Variants in ENPP2 observed in about 807,000 individuals in gnomAD.
ENPP2 encodes autotaxin.
In ENPP2, 51 loss-of-function variants were observed where a neutral mutation model predicts 120.2. The ratio of observed to expected loss-of-function variants is 0.42; its 90% CI spans 0.34 to 0.54. ENPP2 has a LOEUF of 0.54. Ranked by LOEUF, ENPP2 falls within the 20% of genes least tolerant of loss-of-function variation. ENPP2 has a pLI of 0.04. For synonymous variants in ENPP2, 365 were observed against 366.4 expected (o/e 1.00, Z 0.04); for missense variants, 920 against 1,066.5 (o/e 0.86, Z 1.91).
chr8:119,670,934 G>A (rs1818224364), intron 1 of ENPP2, among the ~76,000 whole-genome samples: 2 of 151,908 alleles, frequency 1.3e-5, no homozygotes, highest in African/African-American at 4.8e-5. Context: ...AATAAAAATG[G>A]GAATCTGCTG....
Position 119,661,956 on chromosome 8 carries a change from G to T in ENPP2, c.21+11296C>A, listed in dbSNP as rs1817933168. Among the ~76,000 whole-genome samples, 2 of 152,026 alleles carry T rather than the reference G, an allele frequency of 1.3e-5. 1 individual carries two copies. The highest frequency in any genetic ancestry group is 4.2e-4 in the South Asian group (2 of 4,816). ...TACCACATGATTGCATTTATATGTG[G>T]AATCTAAAAAAATCAAACTTATACA... On this transcript the variant is annotated intron_variant, in intron 1 of 25. Coordinates refer to the ENPP2 transcript ENST00000427067.
intron 24 of ENPP2, among the ~76,000 whole-genome samples, chr8:119,558,979 T>G (rs1354812612): frequency 1.3e-5 from 2 of 152,180 alleles, no homozygotes; most frequent in African/African-American, 4.8e-5. Flanking sequence ...GCTAAATATG[T>G]TCGGGAGGGT....
At chr8:119,615,088 T>A (rs1047709126) in intron 8 of ENPP2, among the ~76,000 whole-genome samples, 3 of 152,124 alleles carry the variant, frequency 2.0e-5, no homozygotes, top group Non-Finnish European at 4.4e-5. Context: ...TAAGAAAAAA[T>A]TTCTATTTAT....
intron 2 of ENPP2, among the ~76,000 whole-genome samples, chr8:119,628,550 A>T (rs371216977): frequency 2.0e-5 from 3 of 152,318 alleles, no homozygotes; most frequent in East Asian, 3.9e-4. Flanking sequence ...CCATAAGTGG[A>T]CTATTGCACC....
chr8:119,640,138 T>C (rs1261530815), upstream of ENPP2, among the ~76,000 whole-genome samples: 1 of 152,224 alleles, frequency 6.6e-6, no homozygotes, highest in African/African-American at 2.4e-5. Flanking sequence ...TAGAATCTAG[T>C]AATATCTAAT....
chr8:119,620,509 T>C (rs541013645), intron 4 of ENPP2, among the ~76,000 whole-genome samples: 17 of 152,326 alleles, frequency 1.1e-4, no homozygotes, highest in African/African-American at 3.8e-4. Flanking sequence ...ATTTTTTTCC[T>C]GAAATCTTTT....
chr8:119,569,861 T>C (rs1457425434), intron 20 of ENPP2, among the ~76,000 whole-genome samples: 1 of 152,054 alleles, frequency 6.6e-6, no homozygotes, highest in Admixed American at 6.6e-5. Flanking sequence ...TCCTCCTTTG[T>C]ATTAAAAAAT....
chr8:119,627,743 TATC>T (rs1346616936), intron 2 of ENPP2, among the ~76,000 whole-genome samples: 3 of 151,924 alleles, frequency 2.0e-5, no homozygotes, highest in Non-Finnish European at 4.4e-5. Context: ...GTGCCTGTAA[TATC>T]AGCTACTCGG....
intron 1 of ENPP2, among the ~76,000 whole-genome samples, chr8:119,658,780 T>C (rs963742082): frequency 3.3e-5 from 5 of 152,036 alleles, no homozygotes; most frequent in Non-Finnish European, 7.4e-5. Flanking sequence ...GTCCCTCCCA[T>C]TAAGTCCCCA....
intron 8 of ENPP2, among the ~76,000 whole-genome samples, chr8:119,611,695 G>C (rs936172891): frequency 6.6e-6 from 1 of 152,166 alleles, no homozygotes; most frequent in Non-Finnish European, 1.5e-5. Flanking sequence ...CATGGGACCC[G>C]CAGTGTAAAG....
chr8:119,611,540 C>T (rs1454650538), intron 8 of ENPP2, among the ~76,000 whole-genome samples: 2 of 152,196 alleles, frequency 1.3e-5, no homozygotes, highest in Non-Finnish European at 2.9e-5. Flanking sequence ...AGATGGAGTG[C>T]TGTCCTTAAG....
chr8:119,660,162 T>C (rs1183189466), intron 1 of ENPP2, among the ~76,000 whole-genome samples: 1 of 152,216 alleles, frequency 6.6e-6, no homozygotes, highest in Admixed American at 6.5e-5. Context: ...GGAGATGCTT[T>C]GGTTAACAAC....
At chr8:119,623,177 T>C in intron 3 of ENPP2, among the ~76,000 whole-genome samples, 1 of 152,170 alleles carries the variant, frequency 6.6e-6, no homozygotes, top group Non-Finnish European at 1.5e-5. Flanking sequence ...AATAAAGAGA[T>C]ATTACGGGCC....
intron 19 of ENPP2, among the ~76,000 whole-genome samples, chr8:119,573,521 T>C (rs948247257): frequency 2.6e-5 from 4 of 151,962 alleles, no homozygotes; most frequent in African/African-American, 9.7e-5. Flanking sequence ...GCTTCAGAAA[T>C]TTGGGTTCTG....
Position 119,638,812 on chromosome 8 carries a change from T to A in ENPP2, c.-32A>T. On this transcript the variant is annotated 5_prime_UTR_variant, in exon 1 of 25. Coordinates refer to ENST00000075322, the MANE Select transcript of ENPP2 (RefSeq NM_001040092.3). Reference sequence around the variant, plus strand: ...GATTCTTGGAAAGCCTTTTGCAGCGTGTTCTCTTTGCCTTCACGGAGTGCA... The same window carrying A: ...GATTCTTGGAAAGCCTTTTGCAGCGAGTTCTCTTTGCCTTCACGGAGTGCA... 6.2e-7 allele frequency: 1 copy of A among 1,613,916 alleles called. No homozygotes were observed. Among genetic ancestry groups the A allele is most frequent in the Non-Finnish European group, 8.5e-7 (1 of 1,179,782 alleles).
At chr8:119,641,984 T>TAAC (rs1817297851), upstream of ENPP2, among the ~76,000 whole-genome samples, 1 of 152,166 alleles carries the variant, frequency 6.6e-6, no homozygotes, top group Admixed American at 6.5e-5. Context: ...GAGGAGGAAC[T>TAAC]TGCAGTTAGA....
intron 8 of ENPP2, among the ~76,000 whole-genome samples, chr8:119,614,598 C>T (rs768600044): frequency 6.6e-6 from 1 of 152,198 alleles, no homozygotes; most frequent in Non-Finnish European, 1.5e-5. Context: ...TATGTGGCCT[C>T]ATCTTCTTCT....
At chr8:119,583,618 C>T (rs1812901891) in intron 17 of ENPP2, 99 bp downstream of exon 17, 1 of 681,080 alleles carries the variant, frequency 1.5e-6, no homozygotes, top group Admixed American at 2.7e-5. Context: ...GGAGGTAGTC[C>T]CAGAAAATAG....
intron 21 of ENPP2, among the ~76,000 whole-genome samples, 162 bp from the exon 22 acceptor site, chr8:119,568,414 C>A (rs1202771263): frequency 2.6e-5 from 4 of 152,058 alleles, no homozygotes. Context: ...TACAACATGT[C>A]CTTACTCCCC....
Sources: allele counts gnomAD v4.1 joint callset (sites outside exome capture counted in the v4.1 genomes callset), GRCh38; gene constraint gnomAD v4.1.1; transcripts MANE v1.5; gene names NCBI Gene and HGNC (gene_info 2026-07-23, HGNC 2026-07-21).